Variants in NBAS observed in about 807,000 individuals in gnomAD.
NBAS encodes the protein NAG/BC035112 fusion.
A neutral mutation model predicts 302.5 loss-of-function variants in NBAS; 219 were observed. The ratio of observed to expected loss-of-function variants is 0.72; its 90% CI spans 0.65 to 0.81. The LOEUF is 0.81. NBAS is among the 30% of genes least tolerant of loss of function. NBAS has a pLI of 0.00. For missense variants in NBAS, 2,932 were observed against 2,841.6 expected (o/e 1.03, Z -0.72); for synonymous variants, 1,118 against 1,021.6 (o/e 1.09, Z -1.80).
intron 48 of NBAS, among the ~76,000 whole-genome samples, chr2:15,195,541 G>C (rs577508922): frequency 1.0e-3 from 154 of 152,270 alleles, no homozygotes; most frequent in African/African-American, 3.5e-3. Flanking sequence ...TAGCTAGGCA[G>C]ACATGAGCAG....
intron 12 of NBAS, among the ~76,000 whole-genome samples, chr2:15,478,516 A>T (rs1278552486): frequency 6.6e-6 from 1 of 152,246 alleles, no homozygotes; most frequent in African/African-American, 2.4e-5. Flanking sequence ...AGAATACAGC[A>T]TGCATATGAA....
chr2:15,477,786 G>T (rs937308069), intron 13 of NBAS, among the ~76,000 whole-genome samples: 2 of 151,928 alleles, frequency 1.3e-5, no homozygotes, highest in African/African-American at 2.4e-5. Flanking sequence ...TGTAAATCTT[G>T]ATTTTTTTCT....
At chr2:15,385,729 T>C (rs533866311) in intron 28 of NBAS, among the ~76,000 whole-genome samples, 38 of 152,290 alleles carry the variant, frequency 2.5e-4, no homozygotes, top group African/African-American at 8.4e-4. Flanking sequence ...CTATGGGTAG[T>C]GAAGGTCAAG....
At chr2:14,953,411 T>C in the NBAS span, among the ~76,000 whole-genome samples, 1 of 152,134 alleles carries the variant, frequency 6.6e-6, no homozygotes, top group Non-Finnish European at 1.5e-5. Context: ...GAGATAAAAA[T>C]AACCTTAAGA....
At chr2:15,403,541 T>C (rs1676252563) in intron 25 of NBAS, among the ~76,000 whole-genome samples, 2 of 152,172 alleles carry the variant, frequency 1.3e-5, no homozygotes, top group African/African-American at 2.4e-5. Context: ...TTAGGTATTA[T>C]ATGTAATCTA....
At chr2:14,824,689 C>T in the NBAS span, among the ~76,000 whole-genome samples, 1 of 152,034 alleles carries the variant, frequency 6.6e-6, no homozygotes, top group Admixed American at 6.6e-5. Flanking sequence ...AGGTGCTGGT[C>T]TATAAAAAGC....
intron 48 of NBAS, among the ~76,000 whole-genome samples, chr2:15,194,989 A>G (rs1425394610): frequency 6.6e-6 from 1 of 152,228 alleles, no homozygotes; most frequent in Non-Finnish European, 1.5e-5. Flanking sequence ...CCCTAAAACT[A>G]AGAAACGAGT....
At chr2:15,030,601 C>T in the NBAS span, among the ~76,000 whole-genome samples, 9 of 152,230 alleles carry the variant, frequency 5.9e-5, no homozygotes, top group East Asian at 1.7e-3. Flanking sequence ...GGGAGAGTGG[C>T]AGTGCCGTGT....
chr2:14,997,737 T>C, the NBAS span, among the ~76,000 whole-genome samples: 2 of 152,166 alleles, frequency 1.3e-5, no homozygotes, highest in Non-Finnish European at 1.5e-5. Flanking sequence ...ATCTTATAAC[T>C]GGAGTCTATA....
the NBAS span, among the ~76,000 whole-genome samples, chr2:15,053,567 A>C: frequency 6.6e-6 from 1 of 152,192 alleles, no homozygotes; most frequent in Non-Finnish European, 1.5e-5. Context: ...ACACAGTCTG[A>C]GTTAAACTTC....
the NBAS span, among the ~76,000 whole-genome samples, chr2:14,993,684 T>C: frequency 6.6e-6 from 1 of 152,252 alleles, no homozygotes. Flanking sequence ...CCAGCATGTT[T>C]ATTAAAAACC....
intron 2 of NBAS, among the ~76,000 whole-genome samples, chr2:15,557,733 C>T (rs1664713902): frequency 6.6e-6 from 1 of 151,974 alleles, no homozygotes; most frequent in Non-Finnish European, 1.5e-5. Context: ...AAATGAATGA[C>T]CTTGAGCAAG....
At chr2:15,378,859 A>T (rs2160696) in intron 30 of NBAS, among the ~76,000 whole-genome samples, 95,460 of 151,978 alleles carry the variant, frequency 0.63, 30,728 homozygotes, top group Middle Eastern at 0.69. Context: ...CAAGGAAGAT[A>T]ATCTTTTTTA....
At chr2:15,320,961 A>C (rs1177955221) in intron 38 of NBAS, among the ~76,000 whole-genome samples, 1 of 152,238 alleles carries the variant, frequency 6.6e-6, no homozygotes, top group African/African-American at 2.4e-5. Context: ...AAAAGAACAA[A>C]GCTGGAAGCA....
chr2:15,304,423 T>C (rs1275099367), intron 40 of NBAS, among the ~76,000 whole-genome samples: 2 of 152,136 alleles, frequency 1.3e-5, no homozygotes, highest in Non-Finnish European at 2.9e-5. Context: ...AAAAACAGAC[T>C]AAAACAGTAA....
chr2:15,487,002 G>A (rs1311682859), intron 12 of NBAS, among the ~76,000 whole-genome samples: 2 of 152,004 alleles, frequency 1.3e-5, no homozygotes, highest in Non-Finnish European at 2.9e-5. Context: ...TACACTGGAT[G>A]TATAACGTAC....
At chr2:15,107,873 T>C in the NBAS span, among the ~76,000 whole-genome samples, 2 of 152,140 alleles carry the variant, frequency 1.3e-5, no homozygotes, top group Non-Finnish European at 2.9e-5. Context: ...CAAGTTATTA[T>C]TGATCTACTT....
chr2:15,298,432 T>A (rs963928395), intron 40 of NBAS, among the ~76,000 whole-genome samples: 1 of 152,204 alleles, frequency 6.6e-6, no homozygotes, highest in Admixed American at 6.5e-5. Context: ...TGACCTGGAT[T>A]ACTAGTTTTT....
chr2:14,836,764 G>C, the NBAS span, among the ~76,000 whole-genome samples: 1 of 151,740 alleles, frequency 6.6e-6, no homozygotes, highest in Non-Finnish European at 1.5e-5. Context: ...CAAATATGTA[G>C]ATACATTTAG....
Sources: allele counts gnomAD v4.1 joint callset (sites outside exome capture counted in the v4.1 genomes callset), GRCh38; gene constraint gnomAD v4.1.1; transcripts MANE v1.5; gene names NCBI Gene and HGNC (gene_info 2026-07-23, HGNC 2026-07-21).